NECAB1: variants seen among roughly 807,000 people sequenced by gnomAD.
NECAB1 encodes the protein N-terminal EF-hand calcium binding protein 1, also known as N-terminal EF-hand calcium-binding protein 1.
In NECAB1, 29 loss-of-function variants were observed where a neutral mutation model predicts 57.5. The ratio of observed to expected loss-of-function variants is 0.50; its 90% CI spans 0.38 to 0.69. The LOEUF (loss-of-function observed/expected upper bound fraction) is 0.69. Ranked by LOEUF, NECAB1 falls within the 30% of genes least tolerant of loss-of-function variation. The probability of loss-of-function intolerance (pLI) is 0.00; values close to 1 mark genes in which losing one functional copy is unlikely to be tolerated. For missense variants in NECAB1, 372 were observed against 413.8 expected (o/e 0.90, Z 0.88); for synonymous variants, 142 against 147.7 (o/e 0.96, Z 0.28).
chr8:90,957,171 A>G lies in NECAB1; in HGVS notation c.*1659A>G, dbSNP rs1811047566. On this transcript the variant is annotated 3_prime_UTR_variant, in exon 13 of 13. Transcript: ENST00000417640. ...AACAGTCTCTGCAGACTGATTGTAT[A>G]TAGTAAGAAAAGATCAAAAGACTTT... 6.6e-6 allele frequency: 1 copy of G among 152,034 alleles called. No individual in the cohort carries two copies. The highest frequency in any genetic ancestry group is 2.4e-5 in the African/African-American group (1 of 41,436). 9.4% of individuals were successfully genotyped at this position (152,034 alleles called of 1,614,324 possible). A position where few individuals can be genotyped will look rare whatever the true frequency, so the allele number is the denominator to read the frequency against.
At chr8:90,802,576 A>G (rs919859366) in intron 2 of NECAB1, among the ~76,000 whole-genome samples, 2 of 152,190 alleles carry the variant, frequency 1.3e-5, no homozygotes, top group African/African-American at 4.8e-5. Flanking sequence ...AATCCCATTT[A>G]TCTATGGGGA....
rs751747495 is a variant in NECAB1, at chr8:90,949,854, A to G, written c.908A>G (p.Glu303Gly). 10 of 1,609,204 alleles carry G rather than the reference A, an allele frequency of 6.2e-6. No homozygotes were observed. ...AATGAATCTCGCTACATGATCTATG[A>G]GTTCTGGGAGAATAGTAGTGTATGG... ...LSNESRYMIY[E>G]FWENSSVWNS... Residue 303 changes from glutamate to glycine, a missense_variant, in exon 11 of 13, where the codon GAG becomes GGG. Transcript: ENST00000417640.
intron 5 of NECAB1, among the ~76,000 whole-genome samples, chr8:90,893,003 C>G (rs1809225274): frequency 6.6e-6 from 1 of 152,140 alleles, no homozygotes; most frequent in Non-Finnish European, 1.5e-5. Context: ...TATGCTCAGC[C>G]ATTTGCACTT....
chr8:90,809,661 T>C (rs928483261), intron 2 of NECAB1, among the ~76,000 whole-genome samples: 7 of 152,222 alleles, frequency 4.6e-5, no homozygotes, highest in Non-Finnish European at 1.0e-4. Context: ...GGCTATTAAC[T>C]TCTTTATGGT....
chr8:90,861,131 A>G (rs775478819), intron 3 of NECAB1, among the ~76,000 whole-genome samples: 16 of 152,114 alleles, frequency 1.1e-4, no homozygotes, highest in Non-Finnish European at 2.1e-4. Context: ...GGCTCCTCTG[A>G]TTTCTGTGAT....
At chr8:90,947,303 T>TACACAC (rs71771328) in intron 10 of NECAB1, among the ~76,000 whole-genome samples, 878 of 78,280 alleles carry the variant, frequency 0.011, 32 homozygotes, top group South Asian at 0.021. Context: ...TAACAACACA[T>TACACAC]ACACACACAC....
chr8:90,854,636 T>C (rs928489446), intron 3 of NECAB1, among the ~76,000 whole-genome samples: 1 of 152,248 alleles, frequency 6.6e-6, no homozygotes, highest in Non-Finnish European at 1.5e-5. Context: ...CAATTACATA[T>C]ACCCCTGCCT....
intron 1 of NECAB1, among the ~76,000 whole-genome samples, chr8:90,797,913 C>T (rs977885063): frequency 1.3e-5 from 2 of 152,106 alleles, no homozygotes; most frequent in African/African-American, 4.8e-5. Flanking sequence ...TGGTTCTTTC[C>T]AGGTTATATA....
In NECAB1 at chr8:90,905,557, G is replaced by A. The variant is rs191034545; in HGVS notation, c.358-11935G>A. On this transcript the variant is annotated intron_variant, in intron 5 of 12. Transcript: ENST00000417640. ...AGAAAGGAGAGAAAGAAAAAAAATT[G>A]CAGATTAATTGTTCTATTATTTTCT... 3.3e-5 allele frequency among the ~76,000 whole-genome samples: 5 copies of A among 152,266 alleles called. No homozygotes were observed. The East Asian group carries it at 9.6e-4, about 29-fold the overall frequency.
At chr8:90,833,576 C>T (rs1764406079) in intron 3 of NECAB1, among the ~76,000 whole-genome samples, 1 of 151,852 alleles carries the variant, frequency 6.6e-6, no homozygotes, top group South Asian at 2.1e-4. Flanking sequence ...GAAAGAGTTG[C>T]CATTAGTGAA....
chr8:90,910,020 GCTTT>G (rs1447143579), intron 5 of NECAB1, among the ~76,000 whole-genome samples: 1 of 151,666 alleles, frequency 6.6e-6, no homozygotes, highest in African/African-American at 2.4e-5. Flanking sequence ...GATTTTAAAA[GCTTT>G]CTTTCCTTTC....
intron 5 of NECAB1, among the ~76,000 whole-genome samples, chr8:90,901,455 C>T (rs1175461559): frequency 6.6e-6 from 1 of 152,188 alleles, no homozygotes; most frequent in Non-Finnish European, 1.5e-5. Context: ...GTATGTTTAA[C>T]ACAGACCTGG....
At position 90,942,813 on chromosome 8, in the gene NECAB1, C is replaced by T. The variant is rs895878209; in HGVS notation, c.860+1915C>T. On this transcript the variant is annotated intron_variant, in intron 10 of 12. Coordinates refer to ENST00000417640, the MANE Select transcript of NECAB1 (RefSeq NM_022351.5). ...AGGAGAATCGCTTGAACCCCGGAGG[C>T]GGAGGTTGCAGTGAGCCGAGATCGC... Among the ~76,000 whole-genome samples, 10 of 152,110 alleles carry T rather than the reference C, an allele frequency of 6.6e-5. No homozygotes were observed. The East Asian group carries it at 1.9e-3, about 29-fold the overall frequency.
rs78641998 is a variant in NECAB1, at chr8:90,887,851, T to C, written c.357+6721T>C. Among the ~76,000 whole-genome samples the C allele has an allele frequency of 2.0e-5, 3 of 152,260 alleles. No individual in the cohort carries two copies. In the East Asian group the frequency reaches 5.8e-4, roughly 29 times the overall value. Reference sequence around the variant, plus strand: ...TTCACCTTATTTACAGTTTCTCGAATGAATGTATAAATAGCAAACTGTGAT... The same window carrying C: ...TTCACCTTATTTACAGTTTCTCGAACGAATGTATAAATAGCAAACTGTGAT... On this transcript the variant is annotated intron_variant, in intron 5 of 12. Transcript: ENST00000417640.
intron 3 of NECAB1, among the ~76,000 whole-genome samples, chr8:90,869,629 G>T (rs577346781): frequency 1.3e-5 from 2 of 152,144 alleles, no homozygotes; most frequent in East Asian, 3.8e-4. Context: ...CCCTTTTTGT[G>T]TTGGCCGATT....
chr8:90,801,110 T>C (rs909649343), intron 1 of NECAB1, among the ~76,000 whole-genome samples: 32 of 152,216 alleles, frequency 2.1e-4, no homozygotes, highest in African/African-American at 7.7e-4. Flanking sequence ...CCAGTTTTAT[T>C]GAGGTATGAT....
chr8:90,818,462 G>C (rs564896020), intron 2 of NECAB1, among the ~76,000 whole-genome samples: 2 of 152,092 alleles, frequency 1.3e-5, no homozygotes, highest in African/African-American at 4.8e-5. Context: ...TTATTTGTTT[G>C]AGAAGGACTT....
intron 3 of NECAB1, among the ~76,000 whole-genome samples, chr8:90,855,655 T>C (rs1812779745): frequency 6.6e-6 from 1 of 152,218 alleles, no homozygotes; most frequent in Non-Finnish European, 1.5e-5. Flanking sequence ...GTAAGGTCTT[T>C]GGCTGGACTT....
chr8:90,944,332 G>C (rs952801206), intron 10 of NECAB1, among the ~76,000 whole-genome samples: 1 of 152,156 alleles, frequency 6.6e-6, no homozygotes, highest in African/African-American at 2.4e-5. Flanking sequence ...TTTTGATTAG[G>C]AGACTCTGAA....
Sources: gnomAD v4.1 joint callset for allele counts (sites outside exome capture counted in the v4.1 genomes callset) on GRCh38, gnomAD v4.1.1 for gene constraint, MANE v1.5 for transcripts, NCBI Gene and HGNC (gene_info 2026-07-23, HGNC 2026-07-21) for gene names.